Variants in SCAF8 observed in about 807,000 individuals in gnomAD.
The protein encoded by SCAF8 is SR-related CTD associated factor 8.
In SCAF8, 23 loss-of-function variants were observed where a neutral mutation model predicts 140.5. The ratio of observed to expected loss-of-function variants is 0.16; its 90% CI spans 0.12 to 0.23. The LOEUF (loss-of-function observed/expected upper bound fraction) is 0.23. Ranked by LOEUF, SCAF8 falls within the 10% of genes least tolerant of loss-of-function variation. The probability of loss-of-function intolerance (pLI) is 1.00; values close to 1 mark genes in which losing one functional copy is unlikely to be tolerated. For synonymous variants in SCAF8, 575 were observed against 528.9 expected (o/e 1.09, Z -1.20); for missense variants, 1,397 against 1,555.7 (o/e 0.90, Z 1.72).
chr6:154,833,307 C>T lies in SCAF8; in HGVS notation c.3728C>T (p.Ser1243Leu). The stretch of plus-strand genomic sequence containing the variant: ...GAACTTTATGAAAAACTGACATCTT[C>T]AAATGAAATAAACAAGGAGAAGAGT... Reference protein sequence around the residue: ...DPELYEKLTSSNEINKEKSDT... With the variant: ...DPELYEKLTSLNEINKEKSDT... Residue 1243 changes from serine to leucine, a missense_variant, in exon 20 of 20, where the codon TCA becomes TTA. This residue lies in a region of SCAF8 where 930 missense variants were observed against 874.6 expected (regional missense o/e 1.06). Transcript: ENST00000367178. 1 of 1,613,876 alleles carries T rather than the reference C, an allele frequency of 6.2e-7. No homozygotes were observed. Among genetic ancestry groups the T allele is most frequent in the Non-Finnish European group, 8.5e-7 (1 of 1,179,910 alleles).
At chr6:154,823,284 G>A (rs1778472917) in intron 16 of SCAF8, among the ~76,000 whole-genome samples, 1 of 152,168 alleles carries the variant, frequency 6.6e-6, no homozygotes, top group African/African-American at 2.4e-5. Context: ...GCAGAGGAGT[G>A]ACTTGATCTG....
At chr6:154,791,121 C>T (rs1777407170) in intron 4 of SCAF8, among the ~76,000 whole-genome samples, 1 of 152,166 alleles carries the variant, frequency 6.6e-6, no homozygotes, top group African/African-American at 2.4e-5. Context: ...TGTAGGACAT[C>T]TTGAGACATT....
rs532637582 is a variant in SCAF8, at chr6:154,744,749, A to G, written c.30+10819A>G. 3.9e-5 allele frequency among the ~76,000 whole-genome samples: 6 copies of G among 152,170 alleles called. No homozygotes were observed. In the South Asian group the frequency reaches 1.2e-3, roughly 32 times the overall value. On this transcript the variant is annotated intron_variant, in intron 1 of 19. Coordinates refer to ENST00000367178, the MANE Select transcript of SCAF8 (RefSeq NM_014892.5). ...CCAAATACAAATTTATTTTTTCCTC[A>G]TTCTTTTTATAACTTCACCTTCATA...
chr6:154,797,646 T>C (rs1462021119), intron 6 of SCAF8, among the ~76,000 whole-genome samples: 1 of 151,284 alleles, frequency 6.6e-6, no homozygotes, highest in Non-Finnish European at 1.5e-5. Context: ...TGCCCGCCTC[T>C]GCCTCCCAAA....
rs770487169 is a variant in SCAF8 at position 154,818,532 on chromosome 6, A to G, written c.1575A>G (p.Ala525=). ...AYVCMVHRQD[A]FRALQKLSSG... is the part of the protein sequence containing the mutation. ...TCTGCATGGTTCATCGACAAGATGCATTTCGAGCTCTTCAGAAACTCAGTT... is the reference window on the plus strand; with the variant it reads ...TCTGCATGGTTCATCGACAAGATGCGTTTCGAGCTCTTCAGAAACTCAGTT... Residue 525 remains alanine, a synonymous_variant, in exon 14 of 20, where the codon GCA becomes GCG. Transcript: ENST00000367178. 34 of 1,609,780 alleles carry G rather than the reference A, an allele frequency of 2.1e-5. No homozygotes were observed. The highest frequency in any genetic ancestry group is 2.9e-5 in the Non-Finnish European group (34 of 1,178,150).
intron 1 of SCAF8, among the ~76,000 whole-genome samples, chr6:154,760,087 T>TA (rs113020554): frequency 0.02 from 3,110 of 152,236 alleles, 109 homozygotes; most frequent in African/African-American, 0.07. Context: ...AGTCAGGAGT[T>TA]AAAGACCAGC....
At chr6:154,778,069 T>C (rs775126243) in intron 3 of SCAF8, 24 bp downstream of exon 3, 1 of 1,375,372 alleles carries the variant, frequency 7.3e-7, no homozygotes, top group East Asian at 2.3e-5. Flanking sequence ...TTTCCATACA[T>C]GTGCTGTAAT....
chr6:154,803,890 G>T (rs922534262), intron 8 of SCAF8, among the ~76,000 whole-genome samples: 9 of 152,028 alleles, frequency 5.9e-5, no homozygotes, highest in Admixed American at 4.6e-4. Context: ...TCCATATTAG[G>T]CTTTAAGTTA....
At chr6:154,758,805 C>A (rs1229656396) in intron 1 of SCAF8, among the ~76,000 whole-genome samples, 2 of 152,146 alleles carry the variant, frequency 1.3e-5, no homozygotes, top group Non-Finnish European at 2.9e-5. Context: ...GGTCTGCCTT[C>A]AAACTCTTGG....
chr6:154,772,200 TGTTGAA>T (rs1306756950), intron 1 of SCAF8, among the ~76,000 whole-genome samples: 1 of 152,238 alleles, frequency 6.6e-6, no homozygotes, highest in Non-Finnish European at 1.5e-5. Context: ...GTTTAAAATC[TGTTGAA>T]GTTGTTTTTG....
chr6:154,765,193 T>C (rs1944933543), intron 1 of SCAF8, among the ~76,000 whole-genome samples: 2 of 152,172 alleles, frequency 1.3e-5, no homozygotes, highest in African/African-American at 4.8e-5. Flanking sequence ...CAACAAATGG[T>C]CTTTGATGGA....
chr6:154,778,575 A>G (rs1473507635), intron 3 of SCAF8, among the ~76,000 whole-genome samples: 1 of 152,100 alleles, frequency 6.6e-6, no homozygotes, highest in African/African-American at 2.4e-5. Context: ...GACTAGCCTG[A>G]CCAAGATGAC....
At chr6:154,830,492 C>A (rs755572072) in intron 18 of SCAF8, among the ~76,000 whole-genome samples, 2 of 152,108 alleles carry the variant, frequency 1.3e-5, no homozygotes, top group Non-Finnish European at 2.9e-5. Flanking sequence ...CTTCATCTGA[C>A]AAAAGGTAAT....
intron 1 of SCAF8, among the ~76,000 whole-genome samples, chr6:154,769,695 A>G (rs528948025): frequency 9.1e-4 from 139 of 152,356 alleles, no homozygotes; most frequent in Middle Eastern, 3.4e-3. Context: ...TGGTTTAACA[A>G]CTTTTAATAA....
intron 3 of SCAF8, among the ~76,000 whole-genome samples, chr6:154,784,238 A>G (rs1358243429): frequency 5.3e-5 from 8 of 150,156 alleles, no homozygotes; most frequent in Non-Finnish European, 1.2e-4. Flanking sequence ...GCTTGGAGGT[A>G]GGATACAAAG....
intron 5 of SCAF8, among the ~76,000 whole-genome samples, chr6:154,794,640 G>A (rs577677898): frequency 6.6e-6 from 1 of 151,762 alleles, no homozygotes; most frequent in African/African-American, 2.4e-5. Flanking sequence ...ATAGGGTTTG[G>A]TGCTAGCTCT....
At chr6:154,742,303 CAA>C (rs897628043) in intron 1 of SCAF8, among the ~76,000 whole-genome samples, 8 of 152,038 alleles carry the variant, frequency 5.3e-5, no homozygotes, top group Non-Finnish European at 7.4e-5. Context: ...TGTGATTTTA[CAA>C]AAGAGATAGA....
At chr6:154,744,275 G>C (rs1439806736) in intron 1 of SCAF8, among the ~76,000 whole-genome samples, 1 of 152,172 alleles carries the variant, frequency 6.6e-6, no homozygotes, top group Non-Finnish European at 1.5e-5. Flanking sequence ...CTGGGCAACA[G>C]AGCAAGACTC....
chr6:154,757,998 C>T (rs935842322), intron 1 of SCAF8, among the ~76,000 whole-genome samples: 4 of 150,894 alleles, frequency 2.7e-5, no homozygotes, highest in Admixed American at 1.3e-4. Context: ...GCAACCTCTG[C>T]CTCCCAGGCT....
Sources: gnomAD v4.1 joint callset for allele counts (sites outside exome capture counted in the v4.1 genomes callset) on GRCh38, gnomAD v4.1.1 for gene constraint, gnomAD v4.1.1 regional missense constraint, MANE v1.5 for transcripts, NCBI Gene and HGNC (gene_info 2026-07-23, HGNC 2026-07-21) for gene names.